The following STIMATE variants were observed in gnomAD, a reference collection of about 807,000 sequenced individuals.
The protein encoded by STIMATE is STIM activating enhancer.
STIMATE carries 15 observed loss-of-function variants against 36.7 expected under a neutral mutation model. That is an observed-to-expected ratio of 0.41 (90% CI 0.27 to 0.63). The LOEUF (loss-of-function observed/expected upper bound fraction) is 0.63, where lower values mean the gene tolerates loss of function less well. STIMATE is among the 20% of genes least tolerant of loss of function. STIMATE has a pLI of 0.32. For missense variants in STIMATE, 305 were observed against 397.3 expected (o/e 0.77, Z 1.98); for synonymous variants, 163 against 162.3 (o/e 1.00, Z -0.03).
chr3:52,869,435 GAGGGGCCCTCCATTTCTTCTCTTGGA>G (rs1303646347), intron 1 of STIMATE, among the ~76,000 whole-genome samples: 2 of 152,242 alleles, frequency 1.3e-5, no homozygotes, highest in African/African-American at 4.8e-5. Context: ...CTTGGCGTGG[GAGGGGCCCTCCATTTCTTCTCTTGGA>G]TAGTTCTTAG....
intron 1 of STIMATE, among the ~76,000 whole-genome samples, chr3:52,872,094 AC>A (rs1701417897): frequency 6.6e-6 from 1 of 151,998 alleles, no homozygotes; most frequent in African/African-American, 2.4e-5. Context: ...GACTGCCTCA[AC>A]CACGGGTGTG....
At chr3:52,847,479 C>T (rs925748751) in intron 4 of STIMATE, 2 of 1,289,568 alleles carry the variant, frequency 1.6e-6, no homozygotes, top group Non-Finnish European at 2.0e-6. Context: ...TGGATCTGGT[C>T]TCAACCGCCG....
rs79764003 is a variant in STIMATE, at chr3:52,843,370, G to C, written c.618+351C>G. On this transcript the variant is annotated intron_variant, in intron 6 of 7. Coordinates refer to ENST00000355083, the MANE Select transcript of STIMATE (RefSeq NM_198563.5). ...TCTTAACTTCGAGCCATTGTGCTCGGGAGTTTCTCAAGATCCGTGGTCAGG... is the reference window on the plus strand; with the variant it reads ...TCTTAACTTCGAGCCATTGTGCTCGCGAGTTTCTCAAGATCCGTGGTCAGG... Among the ~76,000 whole-genome samples, 1,516 of 152,182 alleles carry C rather than the reference G, an allele frequency of 1.0e-2. 35 individuals are homozygous for C. The highest frequency in any genetic ancestry group is 0.035 in the African/African-American group (1,436 of 41,490).
chr3:52,876,650 G>C (rs1701506835), intron 1 of STIMATE, among the ~76,000 whole-genome samples: 1 of 152,158 alleles, frequency 6.6e-6, no homozygotes, highest in Admixed American at 6.5e-5. Flanking sequence ...TCCATTTAAT[G>C]AATAGCAGAT....
At chr3:52,881,764 C>T (rs886226300) in intron 1 of STIMATE, among the ~76,000 whole-genome samples, 10 of 152,172 alleles carry the variant, frequency 6.6e-5, no homozygotes, top group Admixed American at 4.6e-4. Flanking sequence ...TCTGGGATTC[C>T]GACAGCCCTG....
At chr3:52,896,487 CAT>C (rs1491103063) in intron 1 of STIMATE, among the ~76,000 whole-genome samples, 2 of 152,074 alleles carry the variant, frequency 1.3e-5, no homozygotes, top group Non-Finnish European at 2.9e-5. Context: ...CATCAGCACA[CAT>C]GAGAACAGGG....
chr3:52,895,777 G>T, intron 1 of STIMATE: 1 of 793,930 alleles, frequency 1.3e-6, no homozygotes, highest in Non-Finnish European at 1.8e-6. Flanking sequence ...AGAAACCTCA[G>T]GTTAGGGAGC....
intron 1 of STIMATE, among the ~76,000 whole-genome samples, chr3:52,865,998 G>T (rs1392858785): frequency 3.3e-5 from 5 of 152,088 alleles, no homozygotes; most frequent in Non-Finnish European, 5.9e-5. Flanking sequence ...TTCATTAGAG[G>T]CTACATGGCA....
chr3:52,852,031 A>G (rs1701008911), intron 3 of STIMATE, among the ~76,000 whole-genome samples: 1 of 152,226 alleles, frequency 6.6e-6, no homozygotes, highest in Admixed American at 6.5e-5. Context: ...AGGATGAGGT[A>G]GGCAAGCCTC....
intron 1 of STIMATE, among the ~76,000 whole-genome samples, chr3:52,881,492 C>T (rs901309536): frequency 7.2e-5 from 11 of 152,080 alleles, no homozygotes; most frequent in African/African-American, 2.7e-4. Context: ...ATCATGAGGT[C>T]AGGAGATCGA....
intron 1 of STIMATE, among the ~76,000 whole-genome samples, chr3:52,860,778 C>T (rs557591215): frequency 8.5e-5 from 13 of 152,280 alleles, no homozygotes; most frequent in South Asian, 6.2e-4. Flanking sequence ...TGACAGTGGA[C>T]GTGGGGTGTG....
intron 4 of STIMATE, among the ~76,000 whole-genome samples, chr3:52,846,263 A>T (rs1700898277): frequency 6.6e-6 from 1 of 152,264 alleles, no homozygotes; most frequent in Non-Finnish European, 1.5e-5. Context: ...TTTGAGCCAA[A>T]AAACCCATTT....
intron 1 of STIMATE, among the ~76,000 whole-genome samples, chr3:52,887,437 A>G (rs1489054020): frequency 1.3e-5 from 2 of 152,354 alleles, no homozygotes; most frequent in South Asian, 4.1e-4. Flanking sequence ...TGTTTGCGGC[A>G]CAGGAAAAGC....
intron 4 of STIMATE, chr3:52,847,208 G>T: frequency 2.7e-5 from 30 of 1,123,830 alleles, no homozygotes; most frequent in Non-Finnish European, 3.1e-5. Flanking sequence ...CACTGCACCT[G>T]GACCTTGTGT....
intron 1 of STIMATE, chr3:52,895,884 T>C: frequency 7.8e-7 from 1 of 1,289,332 alleles, no homozygotes. Flanking sequence ...TCACCATGTC[T>C]TGAAAACACA....
intron 1 of STIMATE, among the ~76,000 whole-genome samples, chr3:52,871,127 G>A (rs1216289197): frequency 1.3e-5 from 2 of 152,148 alleles, no homozygotes; most frequent in African/African-American, 4.8e-5. Context: ...ATAGTGACTC[G>A]TGATAGTTTC....
At chr3:52,860,997 C>G (rs1326898487) in intron 1 of STIMATE, among the ~76,000 whole-genome samples, 3 of 152,214 alleles carry the variant, frequency 2.0e-5, no homozygotes, top group African/African-American at 7.2e-5. Context: ...CTCAGAGTGG[C>G]TCAGGCAGGG....
intron 1 of STIMATE, among the ~76,000 whole-genome samples, chr3:52,876,914 T>C (rs548490714): frequency 6.6e-6 from 1 of 152,202 alleles, no homozygotes; most frequent in African/African-American, 2.4e-5. Flanking sequence ...GGATCAACTG[T>C]GGGTGGAAAA....
At chr3:52,895,738 A>G in intron 1 of STIMATE, 1 of 437,612 alleles carries the variant, frequency 2.3e-6, no homozygotes, top group Non-Finnish European at 3.9e-6. Context: ...GCATCAATCA[A>G]ACCTATGGAA....
Sources: allele counts gnomAD v4.1 joint callset (sites outside exome capture counted in the v4.1 genomes callset), GRCh38; gene constraint gnomAD v4.1.1; transcripts MANE v1.5; gene names NCBI Gene and HGNC (gene_info 2026-07-23, HGNC 2026-07-21).